CLASP1: variants seen among roughly 807,000 people sequenced by gnomAD.
The protein encoded by CLASP1 is cytoplasmic linker associated protein 1.
A neutral mutation model predicts 192.3 loss-of-function variants in CLASP1; 38 were observed. The observed-to-expected ratio is 0.20, with a 90% confidence interval of 0.15 to 0.26. CLASP1 has a LOEUF of 0.26. Ranked by LOEUF, CLASP1 falls within the 10% of genes least tolerant of loss-of-function variation. CLASP1 has a pLI of 1.00. For missense variants in CLASP1, 1,433 were observed against 1,932.5 expected, an observed-to-expected ratio of 0.74 and a Z score of 4.85; for synonymous variants, 691 against 712.8, an observed-to-expected ratio of 0.97 and a Z score of 0.49.
intron 30 of CLASP1, among the ~76,000 whole-genome samples, chr2:121,393,395 C>T (rs2074710904): frequency 6.6e-6 from 1 of 152,116 alleles, no homozygotes; most frequent in South Asian, 2.1e-4. Flanking sequence ...TGAGGCAGAA[C>T]AAAGTTTATT....
chr2:121,357,805 G>A (rs960840076), intron 37 of CLASP1, among the ~76,000 whole-genome samples: 13 of 152,158 alleles, frequency 8.5e-5, no homozygotes, highest in African/African-American at 3.1e-4. Context: ...CTGCCATCTT[G>A]GCTCAGCAGG....
At chr2:121,587,911 A>G (rs10177841) in intron 2 of CLASP1, among the ~76,000 whole-genome samples, 34,924 of 149,106 alleles carry the variant, frequency 0.23, 6,026 homozygotes, top group African/African-American at 0.48. Flanking sequence ...AGTGGCTCAC[A>G]CCTGTAATCT....
chr2:121,475,604 C>T (rs189678356), intron 8 of CLASP1, among the ~76,000 whole-genome samples: 1 of 152,322 alleles, frequency 6.6e-6, no homozygotes, highest in African/African-American at 2.4e-5. Flanking sequence ...TTTCTTTAGG[C>T]TTTTCTGCTA....
chr2:121,492,337 C>T (rs915849632), intron 8 of CLASP1, among the ~76,000 whole-genome samples: 3 of 139,548 alleles, frequency 2.1e-5, no homozygotes, highest in African/African-American at 8.2e-5. Context: ...TGCAGTGAGC[C>T]GAGGTCGCAC....
At chr2:121,470,319 T>TTTTTTTTTTC (rs1461598704) in intron 8 of CLASP1, 2 of 451,858 alleles carry the variant, frequency 4.4e-6, no homozygotes, top group African/African-American at 5.6e-5. Context: ...TTTTTTTTTT[T>TTTTTTTTTTC]TGAAGACAGA....
At chr2:121,458,975 C>T in exon 13 of CLASP1, 1 of 1,596,722 alleles carries the variant, frequency 6.3e-7, no homozygotes, top group Non-Finnish European at 8.5e-7. Flanking sequence ...ATGACAGATG[C>T]CTAAAACAAG....
intron 1 of CLASP1, among the ~76,000 whole-genome samples, chr2:121,609,375 C>T (rs141563596): frequency 2.0e-5 from 3 of 152,256 alleles, no homozygotes; most frequent in Non-Finnish European, 4.4e-5. Flanking sequence ...TTCCTATCAA[C>T]GAAATGCAAA....
intron 8 of CLASP1, among the ~76,000 whole-genome samples, chr2:121,482,531 A>G (rs1276017792): frequency 6.6e-6 from 1 of 152,232 alleles, no homozygotes; most frequent in African/African-American, 2.4e-5. Context: ...CAGAAAGACT[A>G]TAAACTTACC....
rs556827916 is a variant in CLASP1 at position 121,538,116 on chromosome 2, G to GA, written c.196-7792dup. On this transcript the variant is annotated intron_variant, in intron 2 of 39. Coordinates refer to ENST00000263710, the Ensembl canonical transcript of CLASP1. ...AGTCCTAGCTAACTAATTTTGGCAA[G>GA]AAAAAAAAATAAAAGTGGCCAGGTG... 1.9e-4 allele frequency among the ~76,000 whole-genome samples: 29 copies of GA among 151,046 alleles called. No homozygotes were observed. The East Asian group carries it at 5.0e-3, about 26-fold the overall frequency.
At chr2:121,343,437 G>A (rs1353412909) in intron 39 of CLASP1, among the ~76,000 whole-genome samples, 9 of 150,630 alleles carry the variant, frequency 6.0e-5, no homozygotes, top group Admixed American at 1.3e-4. Flanking sequence ...ATCAACAGAT[G>A]AGCAGATAAA....
At chr2:121,611,785 A>G (rs1254638942) in intron 1 of CLASP1, among the ~76,000 whole-genome samples, 104 of 84,274 alleles carry the variant, frequency 1.2e-3, no homozygotes, top group Middle Eastern at 0.021. Context: ...GTTACAGGAG[A>G]AAGAGGAACT....
At chr2:121,444,249 T>C (rs993741798) in intron 19 of CLASP1, among the ~76,000 whole-genome samples, 1 of 152,160 alleles carries the variant, frequency 6.6e-6, no homozygotes, top group African/African-American at 2.4e-5. Flanking sequence ...GATCTGGATA[T>C]GCCTATTTCT....
At chr2:121,513,529 G>A (rs2094201404) in intron 7 of CLASP1, among the ~76,000 whole-genome samples, 1 of 152,038 alleles carries the variant, frequency 6.6e-6, no homozygotes. Flanking sequence ...CTCCAGCTCT[G>A]GCATCCAGGC....
chr2:121,418,208 T>C (rs2078931032), intron 23 of CLASP1, among the ~76,000 whole-genome samples: 1 of 152,236 alleles, frequency 6.6e-6, no homozygotes, highest in Non-Finnish European at 1.5e-5. Context: ...TTGTTCCTTC[T>C]TTGAATTAAA....
intron 2 of CLASP1, among the ~76,000 whole-genome samples, chr2:121,569,400 G>A (rs1284502528): frequency 1.3e-5 from 2 of 152,228 alleles, no homozygotes; most frequent in African/African-American, 4.8e-5. Context: ...GTAAAAGACA[G>A]CAGGAATGAG....
In CLASP1 at chr2:121,371,238, TA is replaced by T. The variant is rs555628610; in HGVS notation, c.3643-3408del. ...GTGTGTGTATATATACATATATATA[TA>T]TTTTTTTAAGGGACACAATCTTACT... On this transcript the variant is annotated intron_variant, in intron 34 of 39. Transcript: ENST00000263710. 4.7e-3 allele frequency among the ~76,000 whole-genome samples: 716 copies of T among 152,050 alleles called. 7 individuals are homozygous for T. The highest frequency in any genetic ancestry group is 8.0e-3 in the Non-Finnish European group (545 of 67,972).
chr2:121,531,046 C>T (rs768704763), intron 2 of CLASP1: 11 of 697,778 alleles, frequency 1.6e-5, no homozygotes, highest in African/African-American at 1.1e-4. Context: ...GTTCAAACAG[C>T]AGTAATTCGT....
intron 32 of CLASP1, among the ~76,000 whole-genome samples, chr2:121,383,269 G>A (rs2072220232): frequency 6.6e-6 from 1 of 152,204 alleles, no homozygotes; most frequent in Non-Finnish European, 1.5e-5. Context: ...CACAGCAGGA[G>A]CCTCTGCATG....
At position 121,521,685 on chromosome 2, in the gene CLASP1, A is replaced by G. The variant is rs1428097465; in HGVS notation, c.546+4160T>C. ...CATTCGGACCACCAAGGAAACGAAC[A>G]CTTGCCAAGTTAATTTTAAACACCA... On this transcript the variant is annotated intron_variant, in intron 6 of 39. Coordinates refer to ENST00000263710, the Ensembl canonical transcript of CLASP1. Among the ~76,000 whole-genome samples the G allele has an allele frequency of 2.0e-5, 3 of 152,208 alleles. No homozygotes were observed. In the East Asian group the frequency reaches 5.8e-4, roughly 29 times the overall value.
Sources: allele counts gnomAD v4.1 joint callset (sites outside exome capture counted in the v4.1 genomes callset), GRCh38; gene constraint gnomAD v4.1.1; transcripts MANE v1.5; gene names NCBI Gene and HGNC (gene_info 2026-07-23, HGNC 2026-07-21).